The following FBXL17 variants were observed in gnomAD, a reference collection of about 807,000 sequenced individuals.
FBXL17 encodes F-box and leucine rich repeat protein 17.
A neutral mutation model predicts 66.2 loss-of-function variants in FBXL17; 22 were observed. The ratio of observed to expected loss-of-function variants is 0.33; its 90% CI spans 0.24 to 0.47. The LOEUF is 0.47. FBXL17 is among the 20% of genes least tolerant of loss of function. FBXL17 has a pLI of 1.00. For synonymous variants in FBXL17, 474 were observed against 400.5 expected (o/e 1.18, Z -2.19); for missense variants, 878 against 948.2 (o/e 0.93, Z 0.97).
At chr5:107,884,464 G>T (rs926713760) in intron 7 of FBXL17, among the ~76,000 whole-genome samples, 1 of 152,176 alleles carries the variant, frequency 6.6e-6, no homozygotes, top group Non-Finnish European at 1.5e-5. Context: ...ACCTAGGGTG[G>T]GAGTAGAGCC....
chr5:108,281,426 C>T (rs1381406380), intron 4 of FBXL17, among the ~76,000 whole-genome samples: 2 of 151,856 alleles, frequency 1.3e-5, no homozygotes, highest in African/African-American at 4.8e-5. Context: ...CAACATACTC[C>T]TGAATGAACA....
chr5:108,221,864 C>T (rs539066961), intron 5 of FBXL17, among the ~76,000 whole-genome samples: 6 of 152,198 alleles, frequency 3.9e-5, no homozygotes, highest in Non-Finnish European at 8.8e-5. Flanking sequence ...TTTGCAGAAC[C>T]GATGCATGTA....
At chr5:108,054,132 G>A (rs986028079) in intron 6 of FBXL17, among the ~76,000 whole-genome samples, 1 of 151,842 alleles carries the variant, frequency 6.6e-6, no homozygotes, top group Non-Finnish European at 1.5e-5. Flanking sequence ...GAGAGGGGAG[G>A]GAACTTAGAG....
intron 7 of FBXL17, among the ~76,000 whole-genome samples, chr5:107,994,333 C>T (rs1361270527): frequency 6.6e-6 from 1 of 151,514 alleles, no homozygotes; most frequent in Non-Finnish European, 1.5e-5. Flanking sequence ...TGTTTTCTTG[C>T]TAATACACTG....
intron 6 of FBXL17, among the ~76,000 whole-genome samples, chr5:108,073,098 A>G (rs1748403859): frequency 6.6e-6 from 1 of 152,184 alleles, no homozygotes; most frequent in African/African-American, 2.4e-5. Context: ...TTCTACAGCA[A>G]TAGTTGGATA....
intron 7 of FBXL17, among the ~76,000 whole-genome samples, chr5:107,926,471 C>T (rs1750527806): frequency 6.6e-6 from 1 of 152,014 alleles, no homozygotes; most frequent in Admixed American, 6.6e-5. Flanking sequence ...GCATCCTTTC[C>T]TATTCTTTTT....
chr5:108,241,813 C>T (rs899839949), intron 4 of FBXL17, among the ~76,000 whole-genome samples: 10 of 152,106 alleles, frequency 6.6e-5, no homozygotes, highest in African/African-American at 1.7e-4. Context: ...CCAATACGTC[C>T]GTAACAGACT....
intron 6 of FBXL17, among the ~76,000 whole-genome samples, chr5:108,138,611 A>G (rs1751234873): frequency 6.6e-6 from 1 of 152,202 alleles, no homozygotes; most frequent in Non-Finnish European, 1.5e-5. Flanking sequence ...AAGAAAGTTT[A>G]ATTTTTCCCC....
intron 4 of FBXL17, among the ~76,000 whole-genome samples, chr5:108,276,306 A>G (rs893905587): frequency 1.3e-5 from 2 of 152,202 alleles, no homozygotes; most frequent in East Asian, 3.8e-4. Flanking sequence ...TTGATGATCT[A>G]CACAACATTC....
At chr5:108,340,182 A>G (rs1746788014) in intron 4 of FBXL17, among the ~76,000 whole-genome samples, 1 of 152,002 alleles carries the variant, frequency 6.6e-6, no homozygotes, top group African/African-American at 2.4e-5. Context: ...AGAGAATAAG[A>G]GGATACGATC....
chr5:108,240,238 G>C (rs6596777), intron 4 of FBXL17, among the ~76,000 whole-genome samples: 65,106 of 151,932 alleles, frequency 0.43, 14,610 homozygotes, highest in Non-Finnish European at 0.5. Context: ...CAGTTGGGTA[G>C]AGCAACAAGT....
At chr5:107,992,760 C>T (rs1409967179) in intron 7 of FBXL17, among the ~76,000 whole-genome samples, 1 of 152,098 alleles carries the variant, frequency 6.6e-6, no homozygotes, top group Admixed American at 6.5e-5. Context: ...TTTATATATC[C>T]CTACCTACTT....
At chr5:108,264,761 T>C (rs1269134020) in intron 4 of FBXL17, among the ~76,000 whole-genome samples, 1 of 152,042 alleles carries the variant, frequency 6.6e-6, no homozygotes, top group Non-Finnish European at 1.5e-5. Flanking sequence ...TGACAATAAC[T>C]TCAGTTGAAT....
chr5:108,295,295 T>G (rs1758299363), intron 4 of FBXL17, among the ~76,000 whole-genome samples: 4 of 151,836 alleles, frequency 2.6e-5, no homozygotes. Flanking sequence ...TGAAATATAG[T>G]AAATTTTTAA....
chr5:108,079,211 T>G (rs13176829), intron 6 of FBXL17, among the ~76,000 whole-genome samples: 38 of 151,764 alleles, frequency 2.5e-4, no homozygotes, highest in African/African-American at 8.5e-4. Context: ...TTAGCCAACC[T>G]TCAGAGGAAA....
At chr5:107,971,947 T>C (rs78680783) in intron 7 of FBXL17, among the ~76,000 whole-genome samples, 5,921 of 152,266 alleles carry the variant, frequency 0.039, 159 homozygotes, top group Non-Finnish European at 0.059. Flanking sequence ...CCTCACCACA[T>C]TGCACTGCAA....
chr5:108,030,865 T>C (rs936556208), intron 6 of FBXL17, among the ~76,000 whole-genome samples: 2 of 152,106 alleles, frequency 1.3e-5, no homozygotes, highest in South Asian at 2.1e-4. Flanking sequence ...TGTGCTTCTA[T>C]AGGTCGTGAG....
intron 7 of FBXL17, among the ~76,000 whole-genome samples, chr5:108,010,533 GGAGGAATAAAA>G (rs1340666792): frequency 1.3e-5 from 2 of 152,078 alleles, no homozygotes; most frequent in Non-Finnish European, 2.9e-5. Flanking sequence ...GTTTTAAGCT[GGAGGAATAAAA>G]GACAGAAAAA....
At chr5:107,959,299 A>G (rs904481849) in intron 7 of FBXL17, among the ~76,000 whole-genome samples, 2 of 151,902 alleles carry the variant, frequency 1.3e-5, no homozygotes, top group African/African-American at 4.8e-5. Context: ...AGTACCTTAT[A>G]TATTTTCAAT....
Sources: gnomAD v4.1 joint callset for allele counts (sites outside exome capture counted in the v4.1 genomes callset) on GRCh38, gnomAD v4.1.1 for gene constraint, MANE v1.5 for transcripts, NCBI Gene and HGNC (gene_info 2026-07-23, HGNC 2026-07-21) for gene names.